The following ARL6IP1 variants were observed in gnomAD, a reference collection of about 807,000 sequenced individuals.
ARL6IP1 encodes the protein ADP-ribosylation factor-like protein 6-interacting protein 1.
ARL6IP1 carries 16 observed loss-of-function variants against 30.1 expected under a neutral mutation model. That is an observed-to-expected ratio of 0.53 (90% confidence interval 0.36 to 0.81). The LOEUF is 0.81. ARL6IP1 is among the 30% of genes least tolerant of loss of function. The pLI is 0.01. For missense variants in ARL6IP1, 173 were observed against 242.7 expected (o/e 0.71, Z 1.91); for synonymous variants, 72 against 84.8 (o/e 0.85, Z 0.83).
At chr16:18,799,131 T>C (rs1052024131) in intron 1 of ARL6IP1, among the ~76,000 whole-genome samples, 1 of 152,114 alleles carries the variant, frequency 6.6e-6, no homozygotes, top group African/African-American at 2.4e-5. Flanking sequence ...GCGATTCTCC[T>C]ACCTCATACT....
intron 5 of ARL6IP1, among the ~76,000 whole-genome samples, chr16:18,794,230 G>C (rs1053397710): frequency 3.9e-5 from 6 of 152,156 alleles, no homozygotes; most frequent in Non-Finnish European, 5.9e-5. Flanking sequence ...GGGATTACAG[G>C]CTGAGCCACC....
Position 18,794,652 on chromosome 16 carries a change from G to A in ARL6IP1, c.440C>T (p.Ala147Val), listed in dbSNP as rs1461337328. The A allele has an allele frequency of 1.1e-5, 18 of 1,612,940 alleles. No individual in the cohort carries two copies. The highest frequency in any genetic ancestry group is 5.3e-5 in the African/African-American group (4 of 74,872). ...YFMTMIVSLA[A>V]VAWVGQQVHN... The stretch of plus-strand genomic sequence containing the variant: ...GACTTGTTGTCCCACCCAAGCAACC[G>A]CAGCAAGGGAAACGATCATGGTCAT... Residue 147 changes from alanine (A) to valine (V), a missense_variant, in exon 5 of 6, where the codon GCG becomes GTG. Transcript: ENST00000304414.
Position 18,792,892 on chromosome 16 carries a change from T to C in ARL6IP1, c.*360A>G, listed in dbSNP as rs2030105277. On this transcript the variant is annotated 3_prime_UTR_variant, in exon 6 of 6. Transcript: ENST00000304414. Reference sequence around the variant, plus strand: ...TAGCCACAGACCACTACATGGTATCTAAGCTAAAGCAAAGATGAACAATTA... The same window carrying C: ...TAGCCACAGACCACTACATGGTATCCAAGCTAAAGCAAAGATGAACAATTA... 1 of 158,114 alleles carries C rather than the reference T, an allele frequency of 6.3e-6. No individual in the cohort carries two copies. The highest frequency in any genetic ancestry group is 2.4e-5 in the African/African-American group (1 of 41,680). 9.8% of individuals were successfully genotyped at this position (158,114 alleles called of 1,614,324 possible).
At position 18,801,542 on chromosome 16, in the gene ARL6IP1, C is replaced by T. The variant is rs560634553; in HGVS notation, c.-76G>A. The T allele has an allele frequency of 3.5e-5, 55 of 1,574,946 alleles. No individual in the cohort carries two copies. The highest frequency in any genetic ancestry group is 4.6e-5 in the Non-Finnish European group (53 of 1,160,424). On this transcript the variant is annotated 5_prime_UTR_variant, in exon 1 of 6. Coordinates refer to ENST00000304414, the MANE Select transcript of ARL6IP1 (RefSeq NM_015161.3). Reference sequence around the variant, plus strand: ...CTCCAACCGAAACCCGCACACCAACCACAACCCGAGGGAACGCCCCGCAGG... The same window carrying T: ...CTCCAACCGAAACCCGCACACCAACTACAACCCGAGGGAACGCCCCGCAGG...
At chr16:18,795,265 T>C (rs923677118) in intron 4 of ARL6IP1, 199 bp downstream of exon 4, 2 of 442,032 alleles carry the variant, frequency 4.5e-6, no homozygotes, top group Non-Finnish European at 8.1e-6. Context: ...AATTTTGTTT[T>C]ATTAGAATAA....
intron 2 of ARL6IP1, 93 bp from the exon 3 acceptor site, chr16:18,798,137 G>A (rs1219423575): frequency 7.4e-6 from 9 of 1,212,676 alleles, no homozygotes; most frequent in African/African-American, 3.2e-5. Flanking sequence ...ACTATTCACC[G>A]CCTCTCAGAG....
intron 3 of ARL6IP1, among the ~76,000 whole-genome samples, chr16:18,797,436 T>C (rs2030276238): frequency 6.6e-6 from 1 of 151,448 alleles, no homozygotes; most frequent in South Asian, 2.1e-4. Context: ...CCCATGTGTA[T>C]ACAGCTTGAA....
At chr16:18,795,794 A>T (rs941136552) in intron 3 of ARL6IP1, among the ~76,000 whole-genome samples, 13 of 151,036 alleles carry the variant, frequency 8.6e-5, no homozygotes, top group Non-Finnish European at 1.6e-4. Context: ...TGTGAGAGAG[A>T]GAGTGTGTGT....
chr16:18,794,471 A>T (rs1567291087), intron 5 of ARL6IP1, 128 bp downstream of exon 5: 1 of 604,734 alleles, frequency 1.7e-6, no homozygotes, highest in African/African-American at 1.9e-5. Flanking sequence ...GACCATAATA[A>T]TCTTTCCATA....
In ARL6IP1 at chr16:18,792,791, T is replaced by C. The variant is rs1184427959; in HGVS notation, c.*461A>G. 1 of 152,784 alleles carries C rather than the reference T, an allele frequency of 6.5e-6. No individual in the cohort carries two copies. The highest frequency in any genetic ancestry group is 1.5e-5 in the Non-Finnish European group (1 of 68,140). The allele number at this position is 152,784 out of a possible 1,614,324, so 9.5% of individuals were successfully genotyped here. ...TAATTGGTCTCTTCATCAGAAGTGG[T>C]AAACTTGGTCTCTATATTCACGAAG... On this transcript the variant is annotated 3_prime_UTR_variant, in exon 6 of 6. Coordinates refer to ENST00000304414, the MANE Select transcript of ARL6IP1 (RefSeq NM_015161.3).
chr16:18,793,493 G>T, intron 5 of ARL6IP1, 123 bp from the exon 6 acceptor site: 1 of 553,952 alleles, frequency 1.8e-6, no homozygotes, highest in Non-Finnish European at 3.1e-6. Context: ...GTGCAATGGC[G>T]CAATCTTGGC....
chr16:18,800,578 C>T (rs990241704), intron 1 of ARL6IP1, among the ~76,000 whole-genome samples: 15 of 152,194 alleles, frequency 9.9e-5, no homozygotes, highest in African/African-American at 3.6e-4. Context: ...CCTGAAGTCA[C>T]GTCATTGGCC....
chr16:18,794,761 A>G, intron 4 of ARL6IP1, 78 bp from the exon 5 acceptor site: 1 of 1,035,486 alleles, frequency 9.7e-7, no homozygotes, highest in Admixed American at 2.2e-5. Flanking sequence ...TTGTCAATTA[A>G]AGAAGAATGT....
chr16:18,798,607 G>A, intron 2 of ARL6IP1, 94 bp downstream of exon 2: 1 of 1,382,534 alleles, frequency 7.2e-7, no homozygotes, highest in South Asian at 1.6e-5. Flanking sequence ...ATATATTACA[G>A]AAGACTTAAG....
intron 3 of ARL6IP1, 35 bp from the exon 4 acceptor site, chr16:18,795,616 T>C (rs2030207560): frequency 2.7e-6 from 4 of 1,456,932 alleles, no homozygotes; most frequent in African/African-American, 1.4e-5. Flanking sequence ...TATAAACAAA[T>C]CGTTACAGTA....
chr16:18,801,318 G>C, intron 1 of ARL6IP1, 113 bp downstream of exon 1: 1 of 1,541,412 alleles, frequency 6.5e-7, no homozygotes, highest in African/African-American at 1.4e-5. Flanking sequence ...CGCCTGCCCA[G>C]GGAGAGAAGG....
chr16:18,794,743 A>G (rs868119157), intron 4 of ARL6IP1, 60 bp from the exon 5 acceptor site: 2 of 1,198,490 alleles, frequency 1.7e-6, no homozygotes, highest in East Asian at 4.9e-5. Flanking sequence ...AATATATGTA[A>G]TTTTTATTTG....
intron 1 of ARL6IP1, chr16:18,801,123 G>A (rs2030395259): frequency 4.7e-6 from 6 of 1,263,602 alleles, no homozygotes; most frequent in Non-Finnish European, 6.1e-6. Flanking sequence ...CAGGCCCCAG[G>A]AGGCCTTCTG....
intron 5 of ARL6IP1, among the ~76,000 whole-genome samples, chr16:18,793,749 GC>G (rs1191536335): frequency 2.6e-5 from 4 of 151,662 alleles, no homozygotes; most frequent in African/African-American, 9.7e-5. Flanking sequence ...CACTCTTTTT[GC>G]CCAGGCTGGA....
Sources: allele counts gnomAD v4.1 joint callset (sites outside exome capture counted in the v4.1 genomes callset), GRCh38; gene constraint gnomAD v4.1.1; transcripts MANE v1.5; gene names NCBI Gene and HGNC (gene_info 2026-07-23, HGNC 2026-07-21).